CLDN10: variants seen among roughly 807,000 people sequenced by gnomAD.
CLDN10 encodes claudin-10.
A neutral mutation model predicts 22.9 loss-of-function variants in CLDN10; 15 were observed. The ratio of observed to expected loss-of-function variants is 0.65; its 90% CI spans 0.44 to 1.01. The LOEUF (loss-of-function observed/expected upper bound fraction) is 1.01. Ranked by LOEUF, CLDN10 falls within the 50% of genes least tolerant of loss-of-function variation. The pLI is 0.00. For missense variants in CLDN10, 247 were observed against 287.8 expected (o/e 0.86, Z 1.03); for synonymous variants, 114 against 111.4 (o/e 1.02, Z -0.15).
chr13:95,553,892 G>T (rs2043601603), intron 1 of CLDN10, among the ~76,000 whole-genome samples: 1 of 152,212 alleles, frequency 6.6e-6, no homozygotes, highest in South Asian at 2.1e-4. Context: ...TTCTAGGCCC[G>T]TTGCTTCCAG....
Position 95,526,490 on chromosome 13 carries a change from G to T in CLDN10, c.215-33642G>T, listed in dbSNP as rs535192374. 8.5e-5 allele frequency among the ~76,000 whole-genome samples: 13 copies of T among 152,280 alleles called. No individual in the cohort carries two copies. In the South Asian group the frequency reaches 2.1e-3, roughly 24 times the overall value. On this transcript the variant is annotated intron_variant, in intron 1 of 4. Coordinates refer to the CLDN10 transcript ENST00000376873. Reference sequence around the variant, plus strand: ...TCCTTATGAAACTGTCCATTCTCTAGAGATGGATCTCACAGTCAGTCTCTT... The same window carrying T: ...TCCTTATGAAACTGTCCATTCTCTATAGATGGATCTCACAGTCAGTCTCTT...
intron 1 of CLDN10, chr13:95,479,529 TCTC>T (rs2042721606): frequency 6.6e-6 from 1 of 152,252 alleles, no homozygotes; most frequent in East Asian, 1.9e-4. Context: ...GTCATATTCT[TCTC>T]TGAGATGGAC....
chr13:95,534,606 G>A (rs2043380720), intron 1 of CLDN10, among the ~76,000 whole-genome samples: 1 of 152,078 alleles, frequency 6.6e-6, no homozygotes, highest in Non-Finnish European at 1.5e-5. Flanking sequence ...TATAATGCAT[G>A]ATTCACAGTG....
intron 1 of CLDN10, among the ~76,000 whole-genome samples, chr13:95,535,254 C>T (rs9525011): frequency 0.29 from 44,579 of 151,926 alleles, 7,557 homozygotes; most frequent in East Asian, 0.38. Flanking sequence ...AAGAAACAAT[C>T]AGGCTTATCT....
At chr13:95,503,610 A>G (rs528592485) in intron 1 of CLDN10, among the ~76,000 whole-genome samples, 105 of 152,362 alleles carry the variant, frequency 6.9e-4, no homozygotes, top group African/African-American at 2.0e-3. Context: ...GGGTGGATGA[A>G]TGGATAAACA....
intron 1 of CLDN10, among the ~76,000 whole-genome samples, chr13:95,554,785 G>A (rs950333510): frequency 5.3e-5 from 8 of 152,138 alleles, no homozygotes; most frequent in Non-Finnish European, 1.2e-4. Flanking sequence ...TGCATAAAAT[G>A]GCTTAGTTAA....
chr13:95,458,272 T>A lies in CLDN10; in HGVS notation c.214+24225T>A, dbSNP rs2042501604. ...TCAAGAGGTAGAGAAATAGCCTCCGTGTTTTTGTTGTTCTTGTTGTTTTGT... is the reference window on the plus strand; with the variant it reads ...TCAAGAGGTAGAGAAATAGCCTCCGAGTTTTTGTTGTTCTTGTTGTTTTGT... On this transcript the variant is annotated intron_variant, in intron 1 of 4. Transcript: ENST00000376873. 2.0e-5 allele frequency among the ~76,000 whole-genome samples: 3 copies of A among 152,190 alleles called. No homozygotes were observed. The South Asian group carries it at 6.2e-4, about 32-fold the overall frequency.
chr13:95,514,400 A>ACCCT (rs2043139753), intron 1 of CLDN10, among the ~76,000 whole-genome samples: 1 of 67,580 alleles, frequency 1.5e-5, no homozygotes, highest in East Asian at 5.3e-4. Flanking sequence ...TACCCCACCC[A>ACCCT]CCCCACCCTC....
At chr13:95,561,991 G>A (rs1455866360) in intron 3 of CLDN10, among the ~76,000 whole-genome samples, 1 of 150,640 alleles carries the variant, frequency 6.6e-6, no homozygotes, top group East Asian at 2.0e-4. Flanking sequence ...GTGCAGTGGT[G>A]CGATCTCGAC....
At chr13:95,555,047 GTTT>G (rs71211686) in intron 1 of CLDN10, among the ~76,000 whole-genome samples, 1 of 108,672 alleles carries the variant, frequency 9.2e-6, no homozygotes, top group South Asian at 3.2e-4. Context: ...TGTTAATCCA[GTTT>G]TTTTTTTTTT....
intron 1 of CLDN10, among the ~76,000 whole-genome samples, chr13:95,458,200 C>T (rs2042500586): frequency 6.6e-6 from 1 of 152,114 alleles, no homozygotes; most frequent in Non-Finnish European, 1.5e-5. Flanking sequence ...TGTATCATGT[C>T]TATGACATCC....
intron 1 of CLDN10, among the ~76,000 whole-genome samples, chr13:95,434,616 A>G (rs767997204): frequency 2.0e-5 from 3 of 148,082 alleles, no homozygotes; most frequent in Non-Finnish European, 4.4e-5. Flanking sequence ...ATATGAATAT[A>G]TATACATATA....
At chr13:95,446,935 A>G (rs909371695) in intron 1 of CLDN10, among the ~76,000 whole-genome samples, 3 of 152,182 alleles carry the variant, frequency 2.0e-5, no homozygotes, top group Admixed American at 6.5e-5. Context: ...CCCACAGTGT[A>G]TGCCATCTAA....
rs528526008 is a variant in CLDN10, at chr13:95,449,943, C to G, written c.214+15896C>G. Among the ~76,000 whole-genome samples the G allele has an allele frequency of 6.6e-5, 10 of 152,172 alleles. 1 individual carries two copies. The highest frequency in any genetic ancestry group is 2.2e-4 in the African/African-American group (9 of 41,508). On this transcript the variant is annotated intron_variant, in intron 1 of 4. Coordinates refer to the CLDN10 transcript ENST00000376873. ...TATTTTTAGTAGAGACGGGGTTTCA[C>G]CGTGTTAGCCAGGATGGTCTCAATC...
At chr13:95,517,720 G>A (rs1312690596) in intron 1 of CLDN10, among the ~76,000 whole-genome samples, 1 of 152,082 alleles carries the variant, frequency 6.6e-6, no homozygotes, top group African/African-American at 2.4e-5. Context: ...TGGATCACCT[G>A]AGGTCAGGAG....
chr13:95,473,832 G>A (rs371339647), intron 1 of CLDN10, among the ~76,000 whole-genome samples: 4 of 152,190 alleles, frequency 2.6e-5, no homozygotes, highest in South Asian at 4.1e-4. Context: ...CAGCTCTGCC[G>A]CCAGGCTGTT....
chr13:95,524,069 G>A (rs35509467), intron 1 of CLDN10, among the ~76,000 whole-genome samples: 14,891 of 147,376 alleles, frequency 0.1, 895 homozygotes, highest in Middle Eastern at 0.13. Flanking sequence ...TATGTCCAAC[G>A]TTTGGTCTTA....
chr13:95,538,039 CAAG>C (rs1279670326), intron 1 of CLDN10, among the ~76,000 whole-genome samples: 1 of 151,848 alleles, frequency 6.6e-6, no homozygotes, highest in African/African-American at 2.4e-5. Context: ...ACAACGTTGC[CAAG>C]AAGATCTGCA....
At chr13:95,477,036 A>G (rs2042691723) in intron 1 of CLDN10, among the ~76,000 whole-genome samples, 1 of 152,166 alleles carries the variant, frequency 6.6e-6, no homozygotes, top group African/African-American at 2.4e-5. Context: ...CTCTCCTCCT[A>G]GCAGGGGAGT....
Sources: gnomAD v4.1 joint callset for allele counts (sites outside exome capture counted in the v4.1 genomes callset) on GRCh38, gnomAD v4.1.1 for gene constraint, MANE v1.5 for transcripts, NCBI Gene and HGNC (gene_info 2026-07-23, HGNC 2026-07-21) for gene names.